Variants in CHD1L observed in about 807,000 individuals in gnomAD.
CHD1L encodes chromodomain helicase DNA binding protein 1 like, also known as ATP-dependent chromatin remodeler CHD1L.
A neutral mutation model predicts 115.9 loss-of-function variants in CHD1L; 118 were observed. The ratio of observed to expected loss-of-function variants is 1.02; its 90% CI spans 0.88 to 1.19. The LOEUF (loss-of-function observed/expected upper bound fraction) is 1.19, where lower values mean the gene tolerates loss of function less well. Among genes scored for constraint, CHD1L ranks in the 50% most tolerant of loss-of-function variants. The pLI is 0.00. For missense variants in CHD1L, 1,179 were observed against 1,065.3 expected (o/e 1.11, Z -1.49); for synonymous variants, 411 against 387.1 (o/e 1.06, Z -0.72).
At chr1:147,220,744 G>C in the CHD1L span, among the ~76,000 whole-genome samples, 1 of 151,988 alleles carries the variant, frequency 6.6e-6, no homozygotes, top group Non-Finnish European at 1.5e-5. Flanking sequence ...TCAATCTTCT[G>C]CATATGGCTA....
chr1:147,273,010 G>A (rs1333459183), intron 12 of CHD1L, among the ~76,000 whole-genome samples: 15 of 151,826 alleles, frequency 9.9e-5, no homozygotes, highest in Non-Finnish European at 1.9e-4. Flanking sequence ...GACCAGCCTG[G>A]CCAACATGGT....
the CHD1L span, chr1:147,209,817 T>C: frequency 4.6e-5 from 7 of 152,202 alleles, no homozygotes; most frequent in African/African-American, 1.4e-4. Flanking sequence ...ACTGGTAAAG[T>C]TGAAAGCAGC....
chr1:147,191,482 C>T, the CHD1L span, among the ~76,000 whole-genome samples: 1 of 152,052 alleles, frequency 6.6e-6, no homozygotes, highest in Non-Finnish European at 1.5e-5. Context: ...TAAATGTCTT[C>T]TTTTGAGAAG....
At chr1:147,201,540 GAGAA>G in the CHD1L span, 1 of 1,533,348 alleles carries the variant, frequency 6.5e-7, no homozygotes, top group Non-Finnish European at 8.9e-7. Context: ...GGAGAAATGA[GAGAA>G]AGAGAAATCA....
At chr1:147,275,862 G>A (rs1478445896) in intron 13 of CHD1L, among the ~76,000 whole-genome samples, 7 of 151,616 alleles carry the variant, frequency 4.6e-5, no homozygotes, top group Admixed American at 6.6e-5. Context: ...CTTGGCTACA[G>A]ATAAGGAATC....
At chr1:147,255,479 A>G (rs1299295651) in intron 3 of CHD1L, among the ~76,000 whole-genome samples, 2 of 152,126 alleles carry the variant, frequency 1.3e-5, no homozygotes, top group Admixed American at 1.3e-4. Context: ...TGCCCGCCTT[A>G]GCTTCCCAAA....
At chr1:147,203,558 T>A in the CHD1L span, 1 of 973,572 alleles carries the variant, frequency 1.0e-6, no homozygotes, top group East Asian at 2.4e-5. Context: ...ACTCCAGAGT[T>A]TTCTCCAGAG....
Position 147,275,460 on chromosome 1 carries a change from C to A in CHD1L, c.1377C>A (p.Gly459=). ...LQAAARAHRI[G]QNKSVKVIRL... ...CAGCTGCCAGGGCTCATCGCATTGGCCAAAACAAGTAAGTGATTTTTTTCT... is the reference window on the plus strand; with the variant it reads ...CAGCTGCCAGGGCTCATCGCATTGGACAAAACAAGTAAGTGATTTTTTTCT... The change falls in exon 13 of 23, where the codon GGC becomes GGA. Residue 459 remains glycine, a synonymous_variant. Transcript: ENST00000369258. The A allele has an allele frequency of 1.9e-6, 3 of 1,613,226 alleles. No individual in the cohort carries two copies. The highest frequency in any genetic ancestry group is 2.5e-6 in the Non-Finnish European group (3 of 1,179,242).
At chr1:147,246,271 A>G (rs1473525589) in intron 1 of CHD1L, among the ~76,000 whole-genome samples, 1 of 152,182 alleles carries the variant, frequency 6.6e-6, no homozygotes, top group African/African-American at 2.4e-5. Context: ...AGCACAGTAT[A>G]CCACAGTTTG....
chr1:147,208,141 A>C, the CHD1L span, among the ~76,000 whole-genome samples: 2 of 151,616 alleles, frequency 1.3e-5, no homozygotes, highest in Admixed American at 1.3e-4. Context: ...AGTCCTCAGA[A>C]AGGTGAGTGT....
chr1:147,259,840 C>G lies in CHD1L; in HGVS notation c.498C>G (p.Phe166Leu). Residue 166 changes from phenylalanine to leucine, a missense_variant, in exon 6 of 23, where the codon TTC (phenylalanine) becomes TTG (leucine). Transcript: ENST00000369258. Reference protein sequence around the residue: ...CLKDASFLKSFPWSVLVVDEA... With the variant: ...CLKDASFLKSLPWSVLVVDEA... ...AAGCTTGGGTTTTCTCTCACAGATT[C>G]CCTTGGAGTGTTCTTGTTGTGGATG... The G allele has an allele frequency of 6.2e-7, 1 of 1,613,394 alleles. No homozygotes were observed.
At chr1:147,194,090 T>C in the CHD1L span, among the ~76,000 whole-genome samples, 1 of 152,192 alleles carries the variant, frequency 6.6e-6, no homozygotes, top group Non-Finnish European at 1.5e-5. Context: ...TTGATCTGTC[T>C]AATGTTGACA....
chr1:147,187,642 C>T, the CHD1L span, among the ~76,000 whole-genome samples: 1 of 152,110 alleles, frequency 6.6e-6, no homozygotes, highest in African/African-American at 2.4e-5. Context: ...AGTATGGCAT[C>T]CTCTATTATT....
At chr1:147,179,196 G>A in the CHD1L span, 1 of 1,614,142 alleles carries the variant, frequency 6.2e-7, no homozygotes, top group Non-Finnish European at 8.5e-7. Flanking sequence ...ATGGCAATCT[G>A]AAGAGATACC....
intron 17 of CHD1L, 62 bp downstream of exon 17, chr1:147,285,549 C>G: frequency 2.0e-6 from 3 of 1,473,304 alleles, no homozygotes. Context: ...TATAGTGAGA[C>G]CACAGTTGAA....
At position 147,293,708 on chromosome 1, in the gene CHD1L, CA is replaced by C; in HGVS notation, c.2498del (p.Lys833ArgfsTer76). 1 of 1,612,782 alleles carries C rather than the reference CA, an allele frequency of 6.2e-7. No individual in the cohort carries two copies. The highest frequency in any genetic ancestry group is 2.2e-5 in the East Asian group (1 of 44,878). On this transcript the variant is annotated frameshift_variant, in exon 21 of 23. Coordinates refer to ENST00000369258, the MANE Select transcript of CHD1L (RefSeq NM_004284.6). LOFTEE classifies it high-confidence loss of function. ...EEGLKKIFLA[A>X]KKKKASVHLP... is the part of the protein sequence containing the mutation. Reference sequence around the variant, plus strand: ...GGCCTGAAGAAGATATTTTTAGCAGCAAAAAAGAAGAAAGGTAAGCTCTTCC... The same window carrying C: ...GGCCTGAAGAAGATATTTTTAGCAGCAAAAAGAAGAAAGGTAAGCTCTTCC...
At position 147,286,303 on chromosome 1, in the gene CHD1L, C is replaced by T. The variant is rs782699096; in HGVS notation, c.2024C>T (p.Ala675Val). 8.7e-6 allele frequency: 14 copies of T among 1,613,698 alleles called. No individual in the cohort carries two copies. The highest frequency in any genetic ancestry group is 6.7e-5 in the Admixed American group (4 of 59,984). The change falls in exon 18 of 23, where the codon GCC (alanine) becomes GTC (valine). Residue 675 changes from alanine to valine, a missense_variant. Transcript: ENST00000369258. ...TTGTCTCTGGCCTGCTAAAGGATGGCCTGGTGGGAATCCAACAATTACCAG... is the reference window on the plus strand; with the variant it reads ...TTGTCTCTGGCCTGCTAAAGGATGGTCTGGTGGGAATCCAACAATTACCAG... ...KEEAEHKKKM[A>V]WWESNNYQSF... is the part of the protein sequence containing the mutation.
chr1:147,278,632 G>C (rs1478649183), intron 14 of CHD1L, among the ~76,000 whole-genome samples: 2 of 151,920 alleles, frequency 1.3e-5, no homozygotes, highest in African/African-American at 2.4e-5. Flanking sequence ...GAAGGAAACA[G>C]GTTTTTTATC....
At position 147,255,934 on chromosome 1, in the gene CHD1L, A is replaced by G. The variant is rs1250530214; in HGVS notation, c.462+7A>G. 1.9e-6 allele frequency: 3 copies of G among 1,594,974 alleles called. No homozygotes were observed. The highest frequency in any genetic ancestry group is 2.2e-5 in the East Asian group (1 of 44,724). Reference sequence around the variant, plus strand: ...GCTACTGACTACCTATGAGGTATTCATTCGTTTCTCTATAGCGAGAACTCC... The same window carrying G: ...GCTACTGACTACCTATGAGGTATTCGTTCGTTTCTCTATAGCGAGAACTCC... On this transcript the variant is annotated splice_region_variant and intron_variant, in intron 4 of 22. Transcript: ENST00000369258.
Sources: gnomAD v4.1 joint callset for allele counts (sites outside exome capture counted in the v4.1 genomes callset) on GRCh38, gnomAD v4.1.1 for gene constraint, MANE v1.5 for transcripts, NCBI Gene and HGNC (gene_info 2026-07-23, HGNC 2026-07-21) for gene names.